The following ADAP1 variants were observed in gnomAD, a reference collection of about 807,000 sequenced individuals.
ADAP1 encodes the protein ArfGAP with dual PH domains 1.
In ADAP1, 31 loss-of-function variants were observed where a neutral mutation model predicts 54.9. The observed-to-expected ratio is 0.56, with a 90% CI of 0.42 to 0.76. ADAP1 has a LOEUF of 0.76. Ranked by LOEUF, ADAP1 falls within the 30% of genes least tolerant of loss-of-function variation. The pLI is 0.00. For synonymous variants in ADAP1, 313 were observed against 202.6 expected (o/e 1.55, Z -4.63); for missense variants, 535 against 512.4 (o/e 1.04, Z -0.42).
chr7:903,598 A>G (rs766616858), intron 6 of ADAP1, among the ~76,000 whole-genome samples: 3 of 152,068 alleles, frequency 2.0e-5, no homozygotes, highest in Non-Finnish European at 4.4e-5. Context: ...ACAAAAGGAT[A>G]GCTTTTGTGG....
In ADAP1 at chr7:937,415, C is replaced by T. The variant is rs377544000; in HGVS notation, c.83-1910G>A. 5.1e-3 allele frequency among the ~76,000 whole-genome samples: 62 copies of T among 12,130 alleles called. 1 individual carries two copies. The highest frequency in any genetic ancestry group is 0.018 in the African/African-American group (27 of 1,514). The allele number at this position is 12,130 out of a possible 152,430, so 8.0% of individuals were successfully genotyped here. A position where few individuals can be genotyped will look rare whatever the true frequency, so the allele number is the denominator to read the frequency against. On this transcript the variant is annotated intron_variant, in intron 1 of 10. Coordinates refer to ENST00000265846, the MANE Select transcript of ADAP1 (RefSeq NM_006869.4). ...CCCGACCTCTGGGATTTGGGGGTCACGCCCGGCCTCTGGGATTTGGGGGTC... is the reference window on the plus strand; with the variant it reads ...CCCGACCTCTGGGATTTGGGGGTCATGCCCGGCCTCTGGGATTTGGGGGTC...
intron 3 of ADAP1, among the ~76,000 whole-genome samples, chr7:923,966 C>G (rs965624157): frequency 6.6e-5 from 10 of 152,188 alleles, no homozygotes; most frequent in African/African-American, 2.2e-4. Context: ...CGTTTGGGCC[C>G]CACGAGCCAC....
At chr7:913,497 G>C (rs539478849) in intron 4 of ADAP1, among the ~76,000 whole-genome samples, 1 of 152,004 alleles carries the variant, frequency 6.6e-6, no homozygotes, top group Non-Finnish European at 1.5e-5. Flanking sequence ...CACCGCGCCC[G>C]GTCCTCCCCT....
At chr7:925,428 C>CCTCCCCT (rs1422274365) in intron 3 of ADAP1, among the ~76,000 whole-genome samples, 1 of 151,804 alleles carries the variant, frequency 6.6e-6, no homozygotes, top group Non-Finnish European at 1.5e-5. Context: ...GTCCGTCCTT[C>CCTCCCCT]CTCCCCTCTC....
chr7:904,776 G>A (rs536501532), intron 5 of ADAP1, among the ~76,000 whole-genome samples: 1 of 152,348 alleles, frequency 6.6e-6, no homozygotes, highest in Non-Finnish European at 1.5e-5. Context: ...CTCCAGAGGG[G>A]CCCAGTGACT....
intron 4 of ADAP1, among the ~76,000 whole-genome samples, chr7:915,631 G>A (rs1035084266): frequency 2.0e-5 from 3 of 152,172 alleles, no homozygotes; most frequent in Non-Finnish European, 4.4e-5. Flanking sequence ...CATCTCAAAT[G>A]CTCTCAAGGG....
intron 4 of ADAP1, among the ~76,000 whole-genome samples, chr7:907,527 C>A (rs1189932020): frequency 6.6e-6 from 1 of 152,146 alleles, no homozygotes; most frequent in African/African-American, 2.4e-5. Flanking sequence ...CACTGAGCTG[C>A]GGTCAGTGAC....
At chr7:900,993 T>C (rs1306972515) in intron 6 of ADAP1, 1 of 496,704 alleles carries the variant, frequency 2.0e-6, no homozygotes, top group Non-Finnish European at 4.1e-6. Flanking sequence ...CAGATGGTGC[T>C]ATTTTTATGA....
chr7:905,456 G>GGAGAAAGGGAGAAAGGAGAAAGGA (rs71020540), intron 4 of ADAP1: 1 of 82,702 alleles, frequency 1.2e-5, no homozygotes, highest in Non-Finnish European at 2.1e-5. Context: ...AGGGAGAAAG[G>GGAGAAAGGGAGAAAGGAGAAAGGA]GAAAGGAGAA....
intron 10 of ADAP1, 27 bp from the exon 11 acceptor site, chr7:898,976 T>G: frequency 6.2e-7 from 1 of 1,611,538 alleles, no homozygotes; most frequent in East Asian, 2.2e-5. Context: ...TCCAGCGTTG[T>G]CACAGCGGCG....
intron 4 of ADAP1, chr7:905,445 AAG>A (rs373257823): frequency 1.5e-4 from 12 of 82,320 alleles, no homozygotes; most frequent in African/African-American, 4.6e-4. Flanking sequence ...GAAAGGGAGA[AAG>A]GGAGAAAGGG....
Position 925,444 on chromosome 7 carries a change from T to C in ADAP1, c.305+1109A>G, listed in dbSNP as rs866620074. Reference sequence around the variant, plus strand: ...TCCGTCCTTCCTCCCCTCTCCCTCCTCCCTCTTCCCTCCGGCCTCCCCTCC... The same window carrying C: ...TCCGTCCTTCCTCCCCTCTCCCTCCCCCCTCTTCCCTCCGGCCTCCCCTCC... On this transcript the variant is annotated intron_variant, in intron 3 of 10. Coordinates refer to ENST00000265846, the MANE Select transcript of ADAP1 (RefSeq NM_006869.4). Among the ~76,000 whole-genome samples, 230 of 135,324 alleles carry C rather than the reference T, an allele frequency of 1.7e-3. 1 individual carries two copies. Among genetic ancestry groups the C allele is most frequent in the African/African-American group, 6.0e-3 (221 of 36,570 alleles). 88.8% of individuals were successfully genotyped at this position (135,324 alleles called of 152,430 possible). A position where few individuals can be genotyped will look rare whatever the true frequency, so the allele number is the denominator to read the frequency against.
intron 4 of ADAP1, among the ~76,000 whole-genome samples, chr7:913,026 CTT>C (rs1188031463): frequency 6.6e-6 from 1 of 151,696 alleles, no homozygotes; most frequent in African/African-American, 2.4e-5. Context: ...TAAACTTTGT[CTT>C]GAGACGGAGT....
rs778215335 is a variant in ADAP1, at chr7:920,850, C to T, written c.306-800G>A. Reference sequence around the variant, plus strand: ...ACAGGCCCGGCACGGCCCAGGTGCACAGGCAGCCGCCCCAGCCTTTTCCAC... The same window carrying T: ...ACAGGCCCGGCACGGCCCAGGTGCATAGGCAGCCGCCCCAGCCTTTTCCAC... On this transcript the variant is annotated intron_variant, in intron 3 of 10. Coordinates refer to ENST00000265846, the MANE Select transcript of ADAP1 (RefSeq NM_006869.4). The surrounding 1 kb of genome is among the most constrained non-coding windows in gnomAD (Gnocchi z 4.5). 78 of 1,550,140 alleles carry T rather than the reference C, an allele frequency of 5.0e-5. No homozygotes were observed. The highest frequency in any genetic ancestry group is 6.7e-5 in the Non-Finnish European group (77 of 1,146,898).
intron 6 of ADAP1, among the ~76,000 whole-genome samples, chr7:903,242 C>T (rs1334146988): frequency 7.9e-5 from 12 of 152,254 alleles, no homozygotes; most frequent in Admixed American, 1.3e-4. Context: ...GCACCCGACT[C>T]GGCCCCCTAA....
chr7:898,958 G>T lies in ADAP1; in HGVS notation c.1097-9C>A. 1 of 1,611,450 alleles carries T rather than the reference G, an allele frequency of 6.2e-7. No homozygotes were observed. Among genetic ancestry groups the T allele is most frequent in the South Asian group, 1.1e-5 (1 of 90,924 alleles). On this transcript the variant is annotated splice_polypyrimidine_tract_variant and intron_variant, in intron 10 of 10. Transcript: ENST00000265846. ...CTTGAAGTGCGCCTCCACTGCAACG[G>T]AACAGGGTCCAGCGTTGTCACAGCG... is the stretch of plus-strand genomic sequence containing the variant.
Position 898,704 on chromosome 7 carries a change from A to C in ADAP1, c.*217T>G. ...GCTGGGTGTGGTCAGCAGCAGCATG[A>C]CGGGGTTAGAGATCAGGCCCAGGGC... On this transcript the variant is annotated 3_prime_UTR_variant, in exon 11 of 11. Coordinates refer to ENST00000265846, the MANE Select transcript of ADAP1 (RefSeq NM_006869.4). 1.6e-6 allele frequency: 1 copy of C among 621,448 alleles called. No homozygotes were observed. Among genetic ancestry groups the C allele is most frequent in the South Asian group, 1.9e-5 (1 of 51,670 alleles). 38.5% of individuals were successfully genotyped at this position (621,448 alleles called of 1,614,324 possible). A position where few individuals can be genotyped will look rare whatever the true frequency, so the allele number is the denominator to read the frequency against.
At chr7:922,674 G>A (rs1846231801) in intron 3 of ADAP1, among the ~76,000 whole-genome samples, 1 of 150,606 alleles carries the variant, frequency 6.6e-6, no homozygotes, top group Non-Finnish European at 1.5e-5. Context: ...ACCCTTCCTG[G>A]AGGCTTTGCC....
chr7:921,924 G>A (rs1164248545), intron 3 of ADAP1, among the ~76,000 whole-genome samples: 1 of 152,184 alleles, frequency 6.6e-6, no homozygotes, highest in African/African-American at 2.4e-5. Context: ...CCCTGCCCTG[G>A]TGCAGAATGG....
Sources: allele counts gnomAD v4.1 joint callset (sites outside exome capture counted in the v4.1 genomes callset), GRCh38; gene constraint gnomAD v4.1.1; non-coding constraint Gnocchi (gnomAD v3.1); transcripts MANE v1.5; gene names NCBI Gene and HGNC (gene_info 2026-07-23, HGNC 2026-07-21).